The following LUZP2 variants were observed in gnomAD, a reference collection of about 807,000 sequenced individuals.
LUZP2 encodes leucine zipper protein 2.
A neutral mutation model predicts 51.6 loss-of-function variants in LUZP2; 52 were observed. The ratio of observed to expected loss-of-function variants is 1.01; its 90% CI spans 0.81 to 1.27. The LOEUF is 1.27. LUZP2 is among the 50% of genes most tolerant of loss of function. The pLI is 0.00. For missense variants in LUZP2, 436 were observed against 395.4 expected (o/e 1.10, Z -0.87); for synonymous variants, 154 against 137.3 (o/e 1.12, Z -0.85).
chr11:24,626,208 G>T (rs909338057), intron 1 of LUZP2, among the ~76,000 whole-genome samples: 1 of 152,078 alleles, frequency 6.6e-6, no homozygotes, highest in Non-Finnish European at 1.5e-5. Flanking sequence ...AGTGAGAAAA[G>T]CTGGGAATGA....
At chr11:24,545,221 T>C (rs559713872) in intron 1 of LUZP2, among the ~76,000 whole-genome samples, 11 of 152,140 alleles carry the variant, frequency 7.2e-5, no homozygotes, top group South Asian at 6.2e-4. Flanking sequence ...TCTCACATTT[T>C]GTAGGTTGTC....
chr11:24,897,895 C>CT (rs1436929589), intron 5 of LUZP2, among the ~76,000 whole-genome samples: 1 of 152,032 alleles, frequency 6.6e-6, no homozygotes, highest in Non-Finnish European at 1.5e-5. Context: ...TTTGCCTTGC[C>CT]TTTAACATGG....
At chr11:24,646,223 C>A (rs1416109045) in intron 1 of LUZP2, among the ~76,000 whole-genome samples, 2 of 151,722 alleles carry the variant, frequency 1.3e-5, no homozygotes, top group East Asian at 3.9e-4. Flanking sequence ...GCACAGTGTG[C>A]GTGTAAAAAT....
chr11:24,521,949 G>T (rs1243066030), intron 1 of LUZP2, among the ~76,000 whole-genome samples: 1 of 151,912 alleles, frequency 6.6e-6, no homozygotes, highest in East Asian at 1.9e-4. Context: ...TGAAATCCTG[G>T]AAATATATAT....
rs71041801 is a variant in LUZP2 at position 24,741,910 on chromosome 11, T to TAATATATACATTTATATATTATATATA, written c.333+3666_333+3692dup. On this transcript the variant is annotated intron_variant, in intron 4 of 11. Transcript: ENST00000336930. ...ATTTATATACATATATATTTCTATATAATATATACATTTATATATTATATA... is the reference window on the plus strand; with the variant it reads ...ATTTATATACATATATATTTCTATATAATATATACATTTATATATTATATATAAATATATACATTTATATATTATATA... Among the ~76,000 whole-genome samples the TAATATATACATTTATATATTATATATA allele has an allele frequency of 3.0e-3, 318 of 106,464 alleles. 7 individuals are homozygous for TAATATATACATTTATATATTATATATA. The highest frequency in any genetic ancestry group is 7.2e-3 in the African/African-American group (177 of 24,532). The allele number at this position is 106,464 out of a possible 152,430, so 69.8% of individuals were successfully genotyped here. A position where few individuals can be genotyped will look rare whatever the true frequency, so the allele number is the denominator to read the frequency against.
intron 1 of LUZP2, among the ~76,000 whole-genome samples, chr11:24,682,960 G>C (rs1014724331): frequency 2.6e-5 from 4 of 152,002 alleles, no homozygotes; most frequent in African/African-American, 9.7e-5. Flanking sequence ...GCCGAGATCA[G>C]CTTGGGCGAC....
intron 5 of LUZP2, among the ~76,000 whole-genome samples, chr11:24,795,997 G>C (rs181513252): frequency 3.2e-4 from 48 of 152,082 alleles, no homozygotes; most frequent in Admixed American, 1.9e-3. Flanking sequence ...ACAGATGACA[G>C]TTTTACCTTT....
At chr11:24,727,572 A>G (rs1053228714) in intron 1 of LUZP2, among the ~76,000 whole-genome samples, 2 of 152,020 alleles carry the variant, frequency 1.3e-5, no homozygotes, top group African/African-American at 4.8e-5. Context: ...GATTTTGGAG[A>G]TGTGTTTATT....
At chr11:24,719,372 G>T (rs957523493) in intron 1 of LUZP2, among the ~76,000 whole-genome samples, 1 of 152,100 alleles carries the variant, frequency 6.6e-6, no homozygotes, top group South Asian at 2.1e-4. Flanking sequence ...TTAAATCATG[G>T]CCCCAAAATA....
chr11:24,963,804 T>C (rs1855496346), intron 7 of LUZP2, among the ~76,000 whole-genome samples: 1 of 152,222 alleles, frequency 6.6e-6, no homozygotes, highest in East Asian at 1.9e-4. Flanking sequence ...CACTCCCTAG[T>C]GAGATGAACC....
chr11:24,880,466 A>T (rs561777433), intron 5 of LUZP2, among the ~76,000 whole-genome samples: 1 of 152,218 alleles, frequency 6.6e-6, no homozygotes, highest in East Asian at 1.9e-4. Context: ...AGAGTTGCTA[A>T]ACTGGTGTCT....
intron 9 of LUZP2, among the ~76,000 whole-genome samples, chr11:25,042,853 A>C (rs1273636333): frequency 6.6e-6 from 1 of 152,158 alleles, no homozygotes; most frequent in Non-Finnish European, 1.5e-5. Context: ...TAGGGCTAAC[A>C]TAATAATCCA....
intron 1 of LUZP2, among the ~76,000 whole-genome samples, chr11:24,504,909 C>G (rs1850103884): frequency 6.6e-6 from 1 of 152,044 alleles, no homozygotes; most frequent in Non-Finnish European, 1.5e-5. Flanking sequence ...TTAGAGAGTA[C>G]CTGCAGAGAA....
chr11:24,702,103 C>A (rs2133911982), intron 1 of LUZP2, among the ~76,000 whole-genome samples: 1 of 152,242 alleles, frequency 6.6e-6, no homozygotes, highest in South Asian at 2.1e-4. Flanking sequence ...TACTGAAAAT[C>A]TGAGTATGTA....
At chr11:24,526,196 G>A (rs1476798238) in intron 1 of LUZP2, among the ~76,000 whole-genome samples, 1 of 150,228 alleles carries the variant, frequency 6.7e-6, no homozygotes, top group African/African-American at 2.4e-5. Flanking sequence ...TCCACTATCT[G>A]CAGGGCTCCA....
intron 5 of LUZP2, among the ~76,000 whole-genome samples, chr11:24,824,355 A>G (rs1331290023): frequency 2.3e-5 from 3 of 128,760 alleles, no homozygotes; most frequent in African/African-American, 9.3e-5. Flanking sequence ...AAGAAGAGCA[A>G]AACCCCATCT....
intron 9 of LUZP2, among the ~76,000 whole-genome samples, chr11:25,007,075 A>G (rs1856851620): frequency 6.6e-6 from 1 of 152,188 alleles, no homozygotes; most frequent in South Asian, 2.1e-4. Flanking sequence ...AGCTAGACAT[A>G]GAGCAATGAT....
chr11:24,689,902 C>T (rs1438025294), intron 1 of LUZP2, among the ~76,000 whole-genome samples: 3 of 152,046 alleles, frequency 2.0e-5, no homozygotes, highest in Non-Finnish European at 4.4e-5. Flanking sequence ...AACCCCTTTA[C>T]TAATTTTCTT....
chr11:24,740,574 T>C (rs1859100912), intron 4 of LUZP2, among the ~76,000 whole-genome samples: 1 of 152,172 alleles, frequency 6.6e-6, no homozygotes, highest in African/African-American at 2.4e-5. Context: ...ACTAATTCTG[T>C]AAATTTACTA....
Sources: gnomAD v4.1 joint callset for allele counts (sites outside exome capture counted in the v4.1 genomes callset) on GRCh38, gnomAD v4.1.1 for gene constraint, MANE v1.5 for transcripts, NCBI Gene and HGNC (gene_info 2026-07-23, HGNC 2026-07-21) for gene names.